NEXMIF: variants seen among roughly 807,000 people sequenced by gnomAD.
The protein encoded by NEXMIF is neurite extension and migration factor, also known as XLMR protein related to neurite extension.
Under a neutral mutation model 62.1 loss-of-function variants are expected in NEXMIF, and 8 were observed. That is an observed-to-expected ratio of 0.13 (90% CI 0.08 to 0.23). NEXMIF has a LOEUF of 0.23. Among genes scored for constraint, NEXMIF ranks in the 10% least tolerant of loss-of-function variants. The pLI is 1.00. For synonymous variants in NEXMIF, 404 were observed against 416.6 expected, an observed-to-expected ratio of 0.97 and a Z score of 0.37; for missense variants, 976 against 1,113.3, an observed-to-expected ratio of 0.88 and a Z score of 1.75.
chrX:74,802,735 T>C (rs1355235438), intron 1 of NEXMIF, among the ~76,000 whole-genome samples: 2 of 111,036 alleles, frequency 1.8e-5, no homozygotes. Flanking sequence ...GGACCAATGC[T>C]GGAGCAACAG....
At chrX:74,827,071 T>TG (rs1414597757) in intron 1 of NEXMIF, among the ~76,000 whole-genome samples, 1 of 112,441 alleles carries the variant, frequency 8.9e-6, no homozygotes, top group East Asian at 2.8e-4. Flanking sequence ...AAGTAATCAC[T>TG]TTTACATAAA....
chrX:74,883,989 A>G (rs2080678315), intron 1 of NEXMIF, among the ~76,000 whole-genome samples: 1 of 112,365 alleles, frequency 8.9e-6, no homozygotes, highest in African/African-American at 3.2e-5. Flanking sequence ...GGGGGCCAAT[A>G]TTCAACATTC....
At chrX:74,887,438 T>TCAAA (rs2080699646) in intron 1 of NEXMIF, among the ~76,000 whole-genome samples, 29 of 108,649 alleles carry the variant, frequency 2.7e-4, no homozygotes, top group Non-Finnish European at 4.3e-4. Flanking sequence ...TACAATGAAC[T>TCAAA]CAAATTTACA....
In NEXMIF at chrX:74,843,413, C is replaced by CT. The variant is rs376924450; in HGVS notation, c.-48+81469dup. On this transcript the variant is annotated intron_variant, in intron 1 of 3. Coordinates refer to ENST00000055682, the MANE Select transcript of NEXMIF (RefSeq NM_001008537.3). ...GAAGATAGCATACTATTGGGTCTTG[C>CT]TTTTTTTTTTTGTTTGTTTGAGATG... is the stretch of plus-strand genomic sequence containing the variant. Among the ~76,000 whole-genome samples, 537 of 101,092 alleles carry CT rather than the reference C, an allele frequency of 5.3e-3. 4 individuals carry two copies. The highest frequency in any genetic ancestry group is 0.018 in the African/African-American group (494 of 28,097). The allele number at this position is 101,092 out of a possible 115,157, so 87.8% of individuals were successfully genotyped here.
intron 1 of NEXMIF, among the ~76,000 whole-genome samples, chrX:74,887,970 A>T (rs1301388646): frequency 3.6e-5 from 4 of 111,989 alleles, no homozygotes; most frequent in African/African-American, 1.3e-4. Flanking sequence ...GCAGCTATAA[A>T]AAAGGATGAG....
intron 1 of NEXMIF, among the ~76,000 whole-genome samples, chrX:74,861,649 A>T (rs990527258): frequency 4.5e-5 from 5 of 112,029 alleles, no homozygotes; most frequent in Non-Finnish European, 9.4e-5. Context: ...TGGATCTCTC[A>T]GCAGAAACCC....
intron 1 of NEXMIF, among the ~76,000 whole-genome samples, chrX:74,907,334 A>ACCCCCCCCCCCCCCCCCC (rs56726810): frequency 5.7e-5 from 3 of 53,047 alleles, no homozygotes; most frequent in African/African-American, 1.4e-4. Context: ...AAGCAAGAGC[A>ACCCCCCCCCCCCCCCCCC]CCCCCCCCCC....
intron 1 of NEXMIF, among the ~76,000 whole-genome samples, chrX:74,788,075 A>C (rs1425583177): frequency 1.8e-5 from 2 of 111,926 alleles, no homozygotes; most frequent in Non-Finnish European, 3.8e-5. Flanking sequence ...TTACTTGGTA[A>C]ATTGAAATAA....
chrX:74,830,186 T>A (rs1409597515), intron 1 of NEXMIF, among the ~76,000 whole-genome samples: 1 of 112,098 alleles, frequency 8.9e-6, no homozygotes, highest in Non-Finnish European at 1.9e-5. Flanking sequence ...GTTTGAGGTC[T>A]AAGATTTAAG....
chrX:74,881,700 A>T (rs764008002), intron 1 of NEXMIF, among the ~76,000 whole-genome samples: 44 of 112,334 alleles, frequency 3.9e-4, no homozygotes, highest in South Asian at 7.3e-4. Context: ...AAATGGCAAA[A>T]TTCTCCACCA....
intron 1 of NEXMIF, among the ~76,000 whole-genome samples, chrX:74,857,622 G>C (rs1443151293): frequency 9.0e-6 from 1 of 111,472 alleles, no homozygotes; most frequent in East Asian, 2.9e-4. Flanking sequence ...ACTCCTGCTT[G>C]AGAAAAACAG....
rs749878621 is a variant in NEXMIF at position 74,817,920 on chromosome X, A to C, written c.-47-72223T>G. Among the ~76,000 whole-genome samples, 5 of 111,094 alleles carry C rather than the reference A, an allele frequency of 4.5e-5. No homozygotes were observed. In the East Asian group the frequency reaches 1.1e-3, roughly 25 times the overall value. ...ACCAAAGAGGTTGAAGATCTATACA[A>C]AAAAATGACAAAATACTGCTGAAAG... On this transcript the variant is annotated intron_variant, in intron 1 of 3. Transcript: ENST00000055682.
chrX:74,818,922 A>T (rs760572610), intron 1 of NEXMIF, among the ~76,000 whole-genome samples: 5 of 111,986 alleles, frequency 4.5e-5, no homozygotes, highest in Non-Finnish European at 9.4e-5. Context: ...CAGACCAGTC[A>T]GAATAGCTAT....
At position 74,872,973 on chromosome X, in the gene NEXMIF, G is replaced by A. The variant is rs2080609397; in HGVS notation, c.-48+51910C>T. 4.8e-5 allele frequency among the ~76,000 whole-genome samples: 5 copies of A among 104,892 alleles called. No individual in the cohort carries two copies. In the Admixed American group the frequency reaches 5.1e-4, roughly 11 times the overall value. The allele number at this position is 104,892 out of a possible 115,157, so 91.1% of individuals were successfully genotyped here. On this transcript the variant is annotated intron_variant, in intron 1 of 3. Transcript: ENST00000055682. Reference sequence around the variant, plus strand: ...TTTTTATTTTTTTTAAAATTGTTTTGGTTTTTTTTTAATTAATTAATTTAT... The same window carrying A: ...TTTTTATTTTTTTTAAAATTGTTTTAGTTTTTTTTTAATTAATTAATTTAT...
At position 74,919,862 on chromosome X, in the gene NEXMIF, G is replaced by A. The variant is rs1410086913; in HGVS notation, c.-48+5021C>T. 2.7e-5 allele frequency among the ~76,000 whole-genome samples: 3 copies of A among 110,409 alleles called. No homozygotes were observed. The East Asian group carries it at 8.9e-4, about 33-fold the overall frequency. Reference sequence around the variant, plus strand: ...CATTGTTCAATTCCCACCTATGAGTGAGAACACGCGGTGTTTGGTTTTTTG... The same window carrying A: ...CATTGTTCAATTCCCACCTATGAGTAAGAACACGCGGTGTTTGGTTTTTTG... On this transcript the variant is annotated intron_variant, in intron 1 of 3. Coordinates refer to ENST00000055682, the MANE Select transcript of NEXMIF (RefSeq NM_001008537.3).
chrX:74,895,229 A>T (rs1372212308), intron 1 of NEXMIF, among the ~76,000 whole-genome samples: 1 of 112,138 alleles, frequency 8.9e-6, no homozygotes, highest in Non-Finnish European at 1.9e-5. Context: ...CCACAAATAA[A>T]GTTAAATACC....
chrX:74,762,070 C>T (rs905916689), intron 1 of NEXMIF, among the ~76,000 whole-genome samples: 10 of 109,639 alleles, frequency 9.1e-5, no homozygotes, highest in African/African-American at 2.3e-4. Context: ...CCCATTAACT[C>T]CTCGCCATTT....
intron 1 of NEXMIF, among the ~76,000 whole-genome samples, chrX:74,877,215 T>A (rs1298104091): frequency 9.0e-6 from 1 of 111,049 alleles, no homozygotes; most frequent in African/African-American, 3.3e-5. Flanking sequence ...AGCATTTGCT[T>A]ATCTGTAAAG....
intron 1 of NEXMIF, among the ~76,000 whole-genome samples, chrX:74,861,675 A>C (rs914902075): frequency 8.9e-6 from 1 of 111,987 alleles, no homozygotes; most frequent in African/African-American, 3.2e-5. Context: ...GCCAGAAGAG[A>C]TTGGGAGCTA....
Sources: gnomAD v4.1 joint callset for allele counts (sites outside exome capture counted in the v4.1 genomes callset) on GRCh38, gnomAD v4.1.1 for gene constraint, MANE v1.5 for transcripts, NCBI Gene and HGNC (gene_info 2026-07-23, HGNC 2026-07-21) for gene names.